Variants in ANO7 observed in about 807,000 individuals in gnomAD.
The protein encoded by ANO7 is anoctamin-7.
ANO7 carries 114 observed loss-of-function variants against 115.8 expected under a neutral mutation model. The observed-to-expected ratio is 0.98, with a 90% CI of 0.85 to 1.15. The LOEUF (loss-of-function observed/expected upper bound fraction) is 1.15, where lower values mean the gene tolerates loss of function less well. ANO7 is among the 50% of genes most tolerant of loss of function. The probability of loss-of-function intolerance (pLI) is 0.00; values close to 1 mark genes in which losing one functional copy is unlikely to be tolerated. For missense variants in ANO7, 1,302 were observed against 1,201.2 expected, an observed-to-expected ratio of 1.08 and a Z score of -1.24; for synonymous variants, 550 against 498.2, an observed-to-expected ratio of 1.10 and a Z score of -1.38.
chr2:241,190,148 G>A lies in ANO7; in HGVS notation c.85G>A (p.Gly29Arg), dbSNP rs543636867. 58 of 1,570,698 alleles carry A rather than the reference G, an allele frequency of 3.7e-5. No homozygotes were observed. In the South Asian group the frequency reaches 4.3e-4, roughly 12 times the overall value. ...TGAGGCAGAGAAGAGGGGCTCTTAC[G>A]GGAGCACAGCCCACGCCTCGGAGGT... ...PPEAEKRGSY[G>R]STAHASEPGG... The change falls in exon 2 of 25, where the codon GGG becomes AGG. Residue 29 changes from glycine (G) to arginine (R), a missense_variant. By Grantham distance (125) the Gly-to-Arg change is moderately radical (BLOSUM62 -2). Transcript: ENST00000674324.
In ANO7 at chr2:241,212,101, C is replaced by T. The variant is rs373437988; in HGVS notation, c.1569C>T (p.His523=). 3.7e-6 allele frequency: 6 copies of T among 1,613,968 alleles called. No homozygotes were observed. The highest frequency in any genetic ancestry group is 1.6e-4 in the Middle Eastern group (1 of 6,062). The change falls in exon 16 of 25, where the codon CAC becomes CAT. Residue 523 remains histidine, a synonymous_variant. Transcript: ENST00000674324. ...AGGCTCTCCATGCCACAGAAATGCA[C>T]CGCACCCAGACCAAGTTCGAGGACG... ...LAHVLTRWEM[H]RTQTKFEDAF...
chr2:241,207,487 A>C, intron 10 of ANO7, 87 bp from the exon 11 acceptor site: 1 of 1,010,446 alleles, frequency 9.9e-7, no homozygotes, highest in Non-Finnish European at 1.6e-6. Context: ...GACAAGGGAG[A>C]GAGAGGACAA....
In ANO7 at chr2:241,212,107, CCA is replaced by C; in HGVS notation, c.1576_1577del (p.Gln526AspfsTer49). On this transcript the variant is annotated frameshift_variant, in exon 16 of 25. Transcript: ENST00000674324. LOFTEE classifies it high-confidence loss of function. ...TCCATGCCACAGAAATGCACCGCAC[CCA>C]GACCAAGTTCGAGGACGCCTTCACC... ...VLTRWEMHRT[Q>X]TKFEDAFTLK... 6.2e-7 allele frequency: 1 copy of C among 1,614,024 alleles called. No homozygotes were observed. The highest frequency in any genetic ancestry group is 1.1e-5 in the South Asian group (1 of 91,084).
downstream of ANO7, chr2:241,230,756 C>T (rs1337327534): frequency 6.2e-7 from 1 of 1,613,254 alleles, no homozygotes; most frequent in African/African-American, 1.3e-5. This position sits in a 1 kb window ranked among gnomAD's most constrained non-coding sequence, Gnocchi z 5.0. Context: ...CCAGCCGGCT[C>T]ACCTTGAATT....
chr2:241,209,555 A>C lies in ANO7; in HGVS notation c.1279A>C (p.Thr427Pro). Reference protein sequence around the residue: ...SAPMTAPNPITGEDEPYFPER... With the variant: ...SAPMTAPNPIPGEDEPYFPER... ...CCCCATGACAGCCCCGAACCCCATC[A>C]CGGGTGAGGACGAGCCCTACTTCCC... The change falls in exon 13 of 25, where the codon ACG becomes CCG. Residue 427 changes from threonine (T) to proline (P), a missense_variant. Transcript: ENST00000674324. 6.3e-7 allele frequency: 1 copy of C among 1,599,860 alleles called. No homozygotes were observed. The highest frequency in any genetic ancestry group is 8.5e-7 in the Non-Finnish European group (1 of 1,174,164).
rs995438709 is a variant in ANO7 at position 241,225,528 on chromosome 2, AAC to A, written c.*1387_*1388del. 1.3e-5 allele frequency among the ~76,000 whole-genome samples: 2 copies of A among 152,118 alleles called. No homozygotes were observed. Among genetic ancestry groups the A allele is most frequent in the South Asian group, 2.1e-4 (1 of 4,814 alleles). On this transcript the variant is annotated 3_prime_UTR_variant, in exon 25 of 25. Transcript: ENST00000674324. Reference sequence around the variant, plus strand: ...CGACAGAGCAAGACTCCGTCTCGGGAACACACACACACAAAAAGAATATGTGG... The same window carrying A: ...CGACAGAGCAAGACTCCGTCTCGGGAACACACACACAAAAAGAATATGTGG...
the ANO7 span, chr2:241,235,690 G>T: frequency 1.3e-6 from 1 of 793,278 alleles, no homozygotes; most frequent in Non-Finnish European, 2.2e-6. Flanking sequence ...AAGGCAAACA[G>T]CCCTATGACA....
chr2:241,232,307 A>C, the ANO7 span, among the ~76,000 whole-genome samples: 1 of 147,180 alleles, frequency 6.8e-6, no homozygotes, highest in East Asian at 2.0e-4. Context: ...ACAGAGTCTC[A>C]CTCTGTCGCC....
At position 241,209,641 on chromosome 2, in the gene ANO7, C is replaced by T. The variant is rs374068626; in HGVS notation, c.1359+6C>T. 46 of 1,538,998 alleles carry T rather than the reference C, an allele frequency of 3.0e-5. No homozygotes were observed. The highest frequency in any genetic ancestry group is 4.9e-4 in the Middle Eastern group (2 of 4,096). On this transcript the variant is annotated splice_donor_region_variant and intron_variant, in intron 13 of 24. Coordinates refer to ENST00000674324, the MANE Select transcript of ANO7 (RefSeq NM_001370694.2). ...CTGTGGTGATCGTGGTGATGGTATG[C>T]GGTCCCCCTGCCCTCCGCTCACGCC...
At position 241,190,180 on chromosome 2, in the gene ANO7, AC is replaced by A. The variant is rs2068161964; in HGVS notation, c.108+12del. On this transcript the variant is annotated intron_variant, in intron 2 of 24. Coordinates refer to ENST00000674324, the MANE Select transcript of ANO7 (RefSeq NM_001370694.2). Reference sequence around the variant, plus strand: ...CAGCCCACGCCTCGGAGGTAACAGCACCCAGGAGACTGTGGTGCGACTTGAG... The same window carrying A: ...CAGCCCACGCCTCGGAGGTAACAGCACCAGGAGACTGTGGTGCGACTTGAG... The A allele has an allele frequency of 2.6e-6, 4 of 1,552,478 alleles. No individual in the cohort carries two copies. The highest frequency in any genetic ancestry group is 1.4e-5 in the African/African-American group (1 of 73,404).
At chr2:241,239,141 T>C in the ANO7 span, among the ~76,000 whole-genome samples, 3 of 152,194 alleles carry the variant, frequency 2.0e-5, no homozygotes, top group African/African-American at 4.8e-5. This position sits in a 1 kb window ranked among gnomAD's most constrained non-coding sequence, Gnocchi z 4.6. Flanking sequence ...GGGAGTGGCC[T>C]GGAGGGGACA....
chr2:241,230,329 A>G (rs2069591231), downstream of ANO7: 3 of 1,035,510 alleles, frequency 2.9e-6, no homozygotes, highest in Non-Finnish European at 4.3e-6. This position sits in a 1 kb window ranked among gnomAD's most constrained non-coding sequence, Gnocchi z 5.0. Flanking sequence ...GGTTAAAATT[A>G]TGTGTCAATT....
intron 13 of ANO7, among the ~76,000 whole-genome samples, 198 bp from the exon 14 acceptor site, chr2:241,210,097 C>T (rs571750424): frequency 3.9e-5 from 6 of 152,346 alleles, no homozygotes; most frequent in African/African-American, 1.4e-4. Flanking sequence ...ACTCTAACCC[C>T]ACCCCACCTC....
chr2:241,204,360 G>A (rs1162611254), intron 9 of ANO7, among the ~76,000 whole-genome samples: 1 of 147,814 alleles, frequency 6.8e-6, no homozygotes, highest in East Asian at 2.0e-4. Context: ...GGCAGTGGGG[G>A]TACATGCTGA....
At chr2:241,198,941 C>T (rs760985662) in intron 4 of ANO7, among the ~76,000 whole-genome samples, 9 of 152,194 alleles carry the variant, frequency 5.9e-5, no homozygotes, top group Non-Finnish European at 1.2e-4. Context: ...AGGCGACGTT[C>T]GATGTTGAAA....
At chr2:241,232,371 G>A in the ANO7 span, among the ~76,000 whole-genome samples, 14 of 151,804 alleles carry the variant, frequency 9.2e-5, no homozygotes, top group Middle Eastern at 3.4e-3. Context: ...CGCCTCCTGC[G>A]TTCAAGCGAT....
intron 4 of ANO7, 32 bp downstream of exon 4, chr2:241,195,877 G>T (rs750414654): frequency 6.2e-7 from 1 of 1,614,164 alleles, no homozygotes; most frequent in South Asian, 1.1e-5. Context: ...CAGGGCCCTA[G>T]GCCCTGCATC....
chr2:241,211,443 A>G (rs143213262), intron 15 of ANO7, among the ~76,000 whole-genome samples: 231 of 152,370 alleles, frequency 1.5e-3, no homozygotes, highest in African/African-American at 5.2e-3. Context: ...ATAGTCTTGA[A>G]CAAAAGCTGG....
rs777203675 is a variant in ANO7 at position 241,204,877 on chromosome 2, G to C, written c.902G>C (p.Gly301Ala). The C allele has an allele frequency of 3.7e-6, 6 of 1,613,802 alleles. No homozygotes were observed. Among genetic ancestry groups the C allele is most frequent in the Middle Eastern group, 1.7e-4 (1 of 6,058 alleles). ...LYFAWLGFYT[G>A]WLLPAAVVGT... ...ATCCTCTCTACAGGGTTTTACACAGGCTGGCTCCTGCCAGCGGCAGTGGTG... is the reference window on the plus strand; with the variant it reads ...ATCCTCTCTACAGGGTTTTACACAGCCTGGCTCCTGCCAGCGGCAGTGGTG... Residue 301 changes from glycine (G) to alanine (A), a missense_variant, in exon 10 of 25, where the codon GGC becomes GCC. Gly to Ala is a moderately conservative substitution (Grantham distance 60). Transcript: ENST00000674324.
Sources: gnomAD v4.1 joint callset for allele counts (sites outside exome capture counted in the v4.1 genomes callset) on GRCh38, gnomAD v4.1.1 for gene constraint, Gnocchi (gnomAD v3.1) non-coding constraint, MANE v1.5 for transcripts, NCBI Gene and HGNC (gene_info 2026-07-23, HGNC 2026-07-21) for gene names.